The following MACROD2 variants were observed in gnomAD, a reference collection of about 807,000 sequenced individuals.
MACROD2 encodes ADP-ribose glycohydrolase MACROD2.
In MACROD2, 36 loss-of-function variants were observed where a neutral mutation model predicts 70.4. The observed-to-expected ratio is 0.51, with a 90% CI of 0.39 to 0.68. The LOEUF (loss-of-function observed/expected upper bound fraction) is 0.68. Among genes scored for constraint, MACROD2 ranks in the 30% least tolerant of loss-of-function variants. The pLI is 0.00. For synonymous variants in MACROD2, 172 were observed against 178.8 expected (o/e 0.96, Z 0.30); for missense variants, 496 against 538.4 (o/e 0.92, Z 0.78).
rs542244727 is a variant in MACROD2, at chr20:14,743,972, A to C, written c.418+59013A>C. The stretch of plus-strand genomic sequence containing the variant: ...GTAGGGGCCACAAGCCAAGAAAAAT[A>C]GGCAGACACCAGAAGCTGAAAAAGT... On this transcript the variant is annotated intron_variant, in intron 5 of 17. Transcript: ENST00000684519. Among the ~76,000 whole-genome samples the C allele has an allele frequency of 2.6e-5, 4 of 152,294 alleles. No individual in the cohort carries two copies. In the South Asian group the frequency reaches 8.3e-4, roughly 32 times the overall value.
chr20:14,268,888 A>G (rs117927277), intron 3 of MACROD2, among the ~76,000 whole-genome samples: 2,461 of 152,196 alleles, frequency 0.016, 34 homozygotes, highest in Non-Finnish European at 0.025. Flanking sequence ...ATCAGTTCCC[A>G]TAGCAGCCTT....
In MACROD2 at chr20:13,995,682, C is replaced by G; in HGVS notation, c.-82C>G. 1.0e-6 allele frequency: 1 copy of G among 968,634 alleles called. No individual in the cohort carries two copies. The highest frequency in any genetic ancestry group is 1.7e-6 in the Non-Finnish European group (1 of 603,560). The allele number at this position is 968,634 out of a possible 1,614,324, so 60.0% of individuals were successfully genotyped here. On this transcript the variant is annotated 5_prime_UTR_variant, in exon 1 of 18. Transcript: ENST00000684519. The surrounding 1 kb of genome is among the most constrained non-coding windows in gnomAD (Gnocchi z 4.3). ...TTTTTCCCTGCTGAGTGCCCCCTCC[C>G]ACCCCTCCCACTCCACACACACCCT...
chr20:15,046,490 C>T (rs560116921), intron 5 of MACROD2, among the ~76,000 whole-genome samples: 2 of 152,192 alleles, frequency 1.3e-5, no homozygotes, highest in African/African-American at 4.8e-5. Flanking sequence ...CACAATTACT[C>T]CCAGTAAACA....
chr20:14,243,192 A>C (rs1161045775), intron 3 of MACROD2, among the ~76,000 whole-genome samples: 1 of 152,198 alleles, frequency 6.6e-6, no homozygotes, highest in Non-Finnish European at 1.5e-5. Flanking sequence ...TGTCTGCTGA[A>C]TCTATTGAGA....
At chr20:14,437,068 A>T (rs1220906993) in intron 3 of MACROD2, among the ~76,000 whole-genome samples, 2 of 152,218 alleles carry the variant, frequency 1.3e-5, no homozygotes, top group African/African-American at 2.4e-5. Context: ...GCAGCTTAAT[A>T]AATAGAAAGT....
chr20:15,270,192 C>T (rs539529315), intron 6 of MACROD2, among the ~76,000 whole-genome samples: 10 of 134,524 alleles, frequency 7.4e-5, no homozygotes, highest in African/African-American at 1.1e-4. Context: ...CAAGTGTTTT[C>T]GGTCGCTTTA....
intron 5 of MACROD2, among the ~76,000 whole-genome samples, chr20:14,895,926 G>A (rs748880079): frequency 6.6e-6 from 1 of 152,168 alleles, no homozygotes; most frequent in African/African-American, 2.4e-5. Flanking sequence ...AATTTAAGCT[G>A]AGAGCTCACT....
chr20:14,963,919 A>G (rs1051792899), intron 5 of MACROD2, among the ~76,000 whole-genome samples: 8 of 152,216 alleles, frequency 5.3e-5, no homozygotes, highest in African/African-American at 1.9e-4. Flanking sequence ...TGCATAGGAT[A>G]TCAATGGCTT....
At chr20:14,853,924 A>T (rs2073226086) in intron 5 of MACROD2, among the ~76,000 whole-genome samples, 1 of 152,060 alleles carries the variant, frequency 6.6e-6, no homozygotes, top group Non-Finnish European at 1.5e-5. Flanking sequence ...AGTTACATGG[A>T]CCCTACTTAC....
chr20:14,831,614 A>C (rs988481541), intron 5 of MACROD2, among the ~76,000 whole-genome samples: 7 of 151,460 alleles, frequency 4.6e-5, no homozygotes, highest in Non-Finnish European at 5.9e-5. Flanking sequence ...CCCCATCTTT[A>C]CTAAAAAATA....
rs1459679844 is a variant in MACROD2 at position 15,636,089 on chromosome 20, A to AAAAAAAAAG, written c.645+136245_645+136246insAAAAAGAAA. On this transcript the variant is annotated intron_variant, in intron 8 of 17. Transcript: ENST00000684519. The stretch of plus-strand genomic sequence containing the variant: ...TCCCTCTCAAAAGAAAAAAAAAAAA[A>AAAAAAAAAG]AAAGAAAGAAAAGAAAAGAAAAAAG... 4.4e-4 allele frequency among the ~76,000 whole-genome samples: 59 copies of AAAAAAAAAG among 134,998 alleles called. 1 individual carries two copies. Among genetic ancestry groups the AAAAAAAAAG allele is most frequent in the African/African-American group, 4.9e-4 (18 of 36,846 alleles). 88.6% of individuals were successfully genotyped at this position (134,998 alleles called of 152,430 possible).
At chr20:15,510,985 A>G (rs1385349924) in intron 8 of MACROD2, among the ~76,000 whole-genome samples, 1 of 152,222 alleles carries the variant, frequency 6.6e-6, no homozygotes, top group Non-Finnish European at 1.5e-5. Flanking sequence ...CTTGTGTTGA[A>G]TAGAAGTTAC....
At chr20:14,787,368 C>T (rs1568795560) in intron 5 of MACROD2, among the ~76,000 whole-genome samples, 1 of 151,970 alleles carries the variant, frequency 6.6e-6, no homozygotes, top group Non-Finnish European at 1.5e-5. Context: ...GAACATCTGT[C>T]ATTGTTAAAG....
At chr20:14,941,766 AT>A (rs1467369436) in intron 5 of MACROD2, among the ~76,000 whole-genome samples, 3 of 150,532 alleles carry the variant, frequency 2.0e-5, no homozygotes, top group African/African-American at 7.4e-5. Context: ...AAGATTCTGA[AT>A]TTCTTTCTCT....
chr20:15,936,275 T>C (rs949272766), intron 11 of MACROD2, among the ~76,000 whole-genome samples: 2 of 149,010 alleles, frequency 1.3e-5, no homozygotes, highest in Non-Finnish European at 3.0e-5. Flanking sequence ...TGTGTATATA[T>C]ATACACACAT....
intron 8 of MACROD2, among the ~76,000 whole-genome samples, chr20:15,577,083 A>G (rs1404187486): frequency 2.0e-5 from 3 of 152,180 alleles, no homozygotes; most frequent in South Asian, 2.1e-4. Context: ...TTAGTATGTC[A>G]TATTACGAAT....
chr20:14,438,004 A>G (rs942044771), intron 3 of MACROD2, among the ~76,000 whole-genome samples: 1 of 152,180 alleles, frequency 6.6e-6, no homozygotes, highest in East Asian at 1.9e-4. Context: ...ATATACTGCT[A>G]TTAACTATAA....
intron 3 of MACROD2, chr20:14,329,229 A>G (rs2082790859): frequency 6.6e-6 from 1 of 152,110 alleles, no homozygotes; most frequent in Admixed American, 6.6e-5. Context: ...TTCTCTTTTA[A>G]GAAGTAAAGG....
At chr20:15,162,047 A>G (rs2076352123) in intron 5 of MACROD2, among the ~76,000 whole-genome samples, 1 of 122,618 alleles carries the variant, frequency 8.2e-6, no homozygotes, top group Non-Finnish European at 1.8e-5. Context: ...AGAAATAAAG[A>G]AGATAAAATA....
Sources: allele counts gnomAD v4.1 joint callset (sites outside exome capture counted in the v4.1 genomes callset), GRCh38; gene constraint gnomAD v4.1.1; non-coding constraint Gnocchi (gnomAD v3.1); transcripts MANE v1.5; gene names NCBI Gene and HGNC (gene_info 2026-07-23, HGNC 2026-07-21).